The following SPP1 variants were observed in gnomAD, a reference collection of about 807,000 sequenced individuals.
The protein encoded by SPP1 is secreted phosphoprotein 1, also known as osteopontin.
A neutral mutation model predicts 20.8 loss-of-function variants in SPP1; 18 were observed. The ratio of observed to expected loss-of-function variants is 0.87; its 90% CI spans 0.60 to 1.29. SPP1 has a LOEUF of 1.29. SPP1 is among the 50% of genes most tolerant of loss of function. SPP1 has a pLI of 0.00. For synonymous variants in SPP1, 146 were observed against 141.5 expected, an observed-to-expected ratio of 1.03 and a Z score of -0.23; for missense variants, 363 against 389.0, an observed-to-expected ratio of 0.93 and a Z score of 0.56.
At chr4:87,979,225 C>T (rs1009314278) in intron 3 of SPP1, among the ~76,000 whole-genome samples, 8 of 141,888 alleles carry the variant, frequency 5.6e-5, no homozygotes, top group African/African-American at 1.8e-4. Context: ...AGTGCAGTGG[C>T]GCAATCTTGG....
rs1190570998 is a variant in SPP1 at position 87,983,219 on chromosome 4, AAG to A, written c.*327_*328del. On this transcript the variant is annotated 3_prime_UTR_variant, in exon 7 of 7. Transcript: ENST00000395080. ...AACAAAATACTTTTACCCACTTAAAAAGAGAATATAACATTTTATGTCACTAT... is the reference window on the plus strand; with the variant it reads ...AACAAAATACTTTTACCCACTTAAAAAGAATATAACATTTTATGTCACTAT... The A allele has an allele frequency of 2.6e-5, 5 of 192,372 alleles. No homozygotes were observed. Among genetic ancestry groups the A allele is most frequent in the Non-Finnish European group, 5.3e-5 (5 of 93,550 alleles). 11.9% of individuals were successfully genotyped at this position (192,372 alleles called of 1,614,324 possible). A position where few individuals can be genotyped will look rare whatever the true frequency, so the allele number is the denominator to read the frequency against.
Position 87,980,065 on chromosome 4 carries a change from A to G in SPP1, c.113A>G (p.Asp38Gly). 6.2e-7 allele frequency: 1 copy of G among 1,614,150 alleles called. No individual in the cohort carries two copies. The highest frequency in any genetic ancestry group is 8.5e-7 in the Non-Finnish European group (1 of 1,180,028). Residue 38 changes from aspartate (D) to glycine (G), a missense_variant, in exon 4 of 7, where the codon GAT (aspartate) becomes GGT (glycine). Transcript: ENST00000395080. Reference protein sequence around the residue: ...EEKQLYNKYPDAVATWLNPDP... With the variant: ...EEKQLYNKYPGAVATWLNPDP... ...TTGTAGCTTTACAACAAATACCCAG[A>G]TGCTGTGGCCACATGGCTAAACCCT...
At chr4:87,975,962 A>G (rs1037210339) in intron 1 of SPP1, among the ~76,000 whole-genome samples, 162 bp downstream of exon 1, 1 of 152,172 alleles carries the variant, frequency 6.6e-6, no homozygotes. Context: ...TCCTGGAACA[A>G]AGGTGTCTAG....
intron 5 of SPP1, 125 bp from the exon 6 acceptor site, chr4:87,981,350 T>G: frequency 1.2e-6 from 1 of 822,184 alleles, no homozygotes; most frequent in Non-Finnish European, 1.9e-6. Flanking sequence ...AGCCATGGTA[T>G]GTACTGTGAA....
chr4:87,982,822 A>G lies in SPP1; in HGVS notation c.871A>G (p.Ser291Gly). 6.2e-7 allele frequency: 1 copy of G among 1,614,212 alleles called. No homozygotes were observed. The highest frequency in any genetic ancestry group is 8.5e-7 in the Non-Finnish European group (1 of 1,180,038). Residue 291 changes from serine (S) to glycine (G), a missense_variant, in exon 7 of 7, where the codon AGT becomes GGT. Transcript: ENST00000395080. ...HEDMLVVDPK[S>G]KEEDKHLKFR... ...AGATATGCTGGTTGTAGACCCCAAAAGTAAGGAAGAAGATAAACACCTGAA... is the reference window on the plus strand; with the variant it reads ...AGATATGCTGGTTGTAGACCCCAAAGGTAAGGAAGAAGATAAACACCTGAA...
At position 87,982,701 on chromosome 4, in the gene SPP1, C is replaced by T. The variant is rs1126616; in HGVS notation, c.750C>T (p.Ala250=). The T allele has an allele frequency of 0.28, 451,879 of 1,613,676 alleles. 68,736 individuals carry two copies. The highest frequency in any genetic ancestry group is 0.68 in the East Asian group (30,487 of 44,840). The part of the protein sequence containing the change: ...HKQSRLYKRK[A]NDESNEHSDV... ...AGTCCAGATTATATAAGCGGAAAGC[C>T]AATGATGAGAGCAATGAGCATTCCG... Residue 250 remains alanine, a synonymous_variant, in exon 7 of 7, where the codon GCC becomes GCT. Coordinates refer to ENST00000395080, the MANE Select transcript of SPP1 (RefSeq NM_001040058.2).
chr4:87,978,387 T>C (rs1186808899), intron 3 of SPP1, among the ~76,000 whole-genome samples: 1 of 143,732 alleles, frequency 7.0e-6, no homozygotes, highest in Admixed American at 7.0e-5. Flanking sequence ...TTTTCCGCCT[T>C]CTTTTTTTTT....
At position 87,981,446 on chromosome 4, in the gene SPP1, T is replaced by C. The variant is rs368330695; in HGVS notation, c.217-29T>C. ...CTAAGGGAAAATAAAAACCCATATA[T>C]TAATTTTCCCGGCCATCTTAATTTT... On this transcript the variant is annotated intron_variant, in intron 5 of 6. Transcript: ENST00000395080. The C allele has an allele frequency of 3.1e-6, 5 of 1,597,414 alleles. No individual in the cohort carries two copies. In the African/African-American group the frequency reaches 4.0e-5, roughly 13 times the overall value.
intron 5 of SPP1, 65 bp downstream of exon 5, chr4:87,980,499 G>T (rs181455943): frequency 6.4e-7 from 1 of 1,550,456 alleles, no homozygotes; most frequent in African/African-American, 1.4e-5. Flanking sequence ...GCATTGCCTG[G>T]ATTCTCTTCT....
At chr4:87,978,526 G>A (rs1725500169) in intron 3 of SPP1, among the ~76,000 whole-genome samples, 1 of 151,502 alleles carries the variant, frequency 6.6e-6, no homozygotes, top group African/African-American at 2.4e-5. Context: ...GGGACTACAG[G>A]CGCCCGCCAC....
rs1725693587 is a variant in SPP1 at position 87,982,591 on chromosome 4, C to A, written c.640C>A (p.Pro214Thr). Residue 214 changes from proline to threonine, a missense_variant, in exon 7 of 7, where the codon CCT becomes ACT. Transcript: ENST00000395080. The stretch of plus-strand genomic sequence containing the variant: ...CCCCGTTGCCCAGGACCTGAACGCG[C>A]CTTCTGATTGGGACAGCCGTGGGAA... ...AIPVAQDLNA[P>T]SDWDSRGKDS... 6.2e-7 allele frequency: 1 copy of A among 1,614,152 alleles called. No individual in the cohort carries two copies. The highest frequency in any genetic ancestry group is 8.5e-7 in the Non-Finnish European group (1 of 1,180,048).
intron 5 of SPP1, 94 bp from the exon 6 acceptor site, chr4:87,981,381 A>C: frequency 8.5e-7 from 1 of 1,180,270 alleles, no homozygotes; most frequent in Non-Finnish European, 1.2e-6. Flanking sequence ...CTGAAACTAA[A>C]TAAAAAGAAA....
chr4:87,980,185 A>G, intron 4 of SPP1, 59 bp downstream of exon 4: 1 of 1,591,568 alleles, frequency 6.3e-7, no homozygotes, highest in Non-Finnish European at 8.6e-7. Context: ...CACTCAGGCC[A>G]TTTGGGCTGC....
rs1486932659 is a variant in SPP1, at chr4:87,982,760, G to A, written c.809G>A (p.Ser270Asn). ...VIDSQELSKVSREFHSHEFHS... is the reference protein window; with the variant it reads ...VIDSQELSKVNREFHSHEFHS... ...GATAGTCAGGAACTTTCCAAAGTCAGCCGTGAATTCCACAGCCATGAATTT... is the reference window on the plus strand; with the variant it reads ...GATAGTCAGGAACTTTCCAAAGTCAACCGTGAATTCCACAGCCATGAATTT... Residue 270 changes from serine to asparagine, a missense_variant, in exon 7 of 7, where the codon AGC becomes AAC. Ser to Asn is a conservative substitution (Grantham distance 46). Transcript: ENST00000395080. 1 of 1,614,172 alleles carries A rather than the reference G, an allele frequency of 6.2e-7. No homozygotes were observed. Among genetic ancestry groups the A allele is most frequent in the East Asian group, 2.2e-5 (1 of 44,880 alleles).
chr4:87,981,419 G>A (rs1725634455), intron 5 of SPP1, 56 bp from the exon 6 acceptor site: 1 of 1,494,480 alleles, frequency 6.7e-7, no homozygotes, highest in Non-Finnish European at 9.2e-7. Context: ...GTGCTATAAA[G>A]GCTAAGGGAA....
chr4:87,982,912 A>AATT lies in SPP1; in HGVS notation c.*17_*19dup. Reference sequence around the variant, plus strand: ...GGTCAATTAAAAGGAGAAAAAATACAATTTCTCACTTTGCATTTAGTCAAA... The same window carrying AATT: ...GGTCAATTAAAAGGAGAAAAAATACAATTATTTCTCACTTTGCATTTAGTCAAA... On this transcript the variant is annotated 3_prime_UTR_variant, in exon 7 of 7. Transcript: ENST00000395080. The AATT allele has an allele frequency of 1.3e-6, 2 of 1,567,058 alleles. No homozygotes were observed. The highest frequency in any genetic ancestry group is 1.7e-6 in the Non-Finnish European group (2 of 1,159,344).
chr4:87,980,800 T>C (rs1725611462), intron 5 of SPP1: 1 of 196,968 alleles, frequency 5.1e-6, no homozygotes, highest in African/African-American at 2.3e-5. Context: ...TTGACAACTA[T>C]TCTTTTTATT....
chr4:87,981,367 G>T, intron 5 of SPP1, 108 bp from the exon 6 acceptor site: 1 of 1,049,218 alleles, frequency 9.5e-7, no homozygotes, highest in Non-Finnish European at 1.4e-6. Context: ...TGAATGCAAA[G>T]ATTCTGAAAC....
In SPP1 at chr4:87,982,479, T is replaced by C; in HGVS notation, c.541-13T>C. ...CGTTCATATAATTATTCTTCATTTG[T>C]GCCGTGATTCAGTACCCTGATGCTA... On this transcript the variant is annotated splice_polypyrimidine_tract_variant and intron_variant, in intron 6 of 6. Coordinates refer to ENST00000395080, the MANE Select transcript of SPP1 (RefSeq NM_001040058.2). The C allele has an allele frequency of 6.2e-7, 1 of 1,607,288 alleles. No individual in the cohort carries two copies. Among genetic ancestry groups the C allele is most frequent in the Non-Finnish European group, 8.5e-7 (1 of 1,175,224 alleles).
Sources: gnomAD v4.1 joint callset for allele counts (sites outside exome capture counted in the v4.1 genomes callset) on GRCh38, gnomAD v4.1.1 for gene constraint, MANE v1.5 for transcripts, NCBI Gene and HGNC (gene_info 2026-07-23, HGNC 2026-07-21) for gene names.